DGCR2: variants seen among roughly 807,000 people sequenced by gnomAD.
DGCR2 encodes integral membrane protein DGCR2/IDD.
DGCR2 carries 24 observed loss-of-function variants against 51.6 expected under a neutral mutation model. The ratio of observed to expected loss-of-function variants is 0.47; its 90% CI spans 0.34 to 0.65. DGCR2 has a LOEUF of 0.65. DGCR2 is among the 30% of genes least tolerant of loss of function. DGCR2 has a pLI of 0.01. For missense variants in DGCR2, 765 were observed against 772.1 expected, an observed-to-expected ratio of 0.99 and a Z score of 0.11; for synonymous variants, 340 against 315.4, an observed-to-expected ratio of 1.08 and a Z score of -0.82.
At chr22:19,078,666 T>G (rs1435493506) in intron 2 of DGCR2, among the ~76,000 whole-genome samples, 4 of 152,218 alleles carry the variant, frequency 2.6e-5, no homozygotes, top group Non-Finnish European at 5.9e-5. Context: ...AAGCTTTCAG[T>G]CTTTGACCAC....
chr22:19,098,871 G>C (rs1018895327), intron 1 of DGCR2, among the ~76,000 whole-genome samples: 2 of 152,136 alleles, frequency 1.3e-5, no homozygotes, highest in Non-Finnish European at 2.9e-5. Context: ...TGGGATTACA[G>C]GCATGAGCCA....
intron 4 of DGCR2, 45 bp from the exon 5 acceptor site, chr22:19,063,323 G>A: frequency 1.9e-6 from 3 of 1,565,174 alleles, no homozygotes; most frequent in Non-Finnish European, 2.6e-6. Flanking sequence ...CGGCAGGAGG[G>A]ATGCAACCAT....
At chr22:19,075,371 C>T (rs556525632) in intron 2 of DGCR2, among the ~76,000 whole-genome samples, 3 of 151,832 alleles carry the variant, frequency 2.0e-5, no homozygotes, top group Admixed American at 1.3e-4. Context: ...GGCGTGAACC[C>T]GGGAGGCAGA....
At chr22:19,086,017 CTCTATA>C (rs1190863192) in intron 2 of DGCR2, among the ~76,000 whole-genome samples, 5 of 151,980 alleles carry the variant, frequency 3.3e-5, no homozygotes, top group South Asian at 2.1e-4. Flanking sequence ...GAGGACTTGA[CTCTATA>C]TCTATGATTT....
chr22:19,058,271 A>G (rs5993487), intron 5 of DGCR2, among the ~76,000 whole-genome samples: 75,088 of 152,002 alleles, frequency 0.49, 19,682 homozygotes, highest in African/African-American at 0.68. Flanking sequence ...GACCTGTGCC[A>G]GGCCAGCAGG....
intron 2 of DGCR2, among the ~76,000 whole-genome samples, chr22:19,080,138 A>G (rs554049957): frequency 1.3e-5 from 2 of 152,184 alleles, no homozygotes; most frequent in Non-Finnish European, 2.9e-5. Context: ...ACATCTGGAG[A>G]GCAGGGCAGA....
chr22:19,073,985 G>C (rs1340994031), intron 2 of DGCR2, among the ~76,000 whole-genome samples: 2 of 152,218 alleles, frequency 1.3e-5, no homozygotes, highest in Admixed American at 1.3e-4. Flanking sequence ...GGGCGTCTGG[G>C]AAAGGAGGGG....
chr22:19,099,044 A>T (rs1300501001), intron 1 of DGCR2, among the ~76,000 whole-genome samples: 1 of 152,144 alleles, frequency 6.6e-6, no homozygotes, highest in African/African-American at 2.4e-5. Context: ...TCCAATAGGG[A>T]AGGTTTTTCT....
At chr22:19,094,774 AT>A (rs1300210230) in intron 1 of DGCR2, among the ~76,000 whole-genome samples, 2 of 152,266 alleles carry the variant, frequency 1.3e-5, no homozygotes, top group East Asian at 3.8e-4. Context: ...GTGTACAGCC[AT>A]ACAATGGAAT....
At chr22:19,069,085 G>A (rs73386934) in intron 2 of DGCR2, among the ~76,000 whole-genome samples, 2,258 of 152,378 alleles carry the variant, frequency 0.015, 27 homozygotes, top group African/African-American at 0.017. Context: ...CTGTACAGGT[G>A]TACCCTGATG....
intron 1 of DGCR2, among the ~76,000 whole-genome samples, chr22:19,119,128 G>A (rs1362606442): frequency 6.6e-6 from 1 of 152,196 alleles, no homozygotes; most frequent in Non-Finnish European, 1.5e-5. Flanking sequence ...AGGGGACAGA[G>A]GCAGTCTGTG....
In DGCR2 at chr22:19,082,222, CTTTTTTT is replaced by C. The variant is rs56725898; in HGVS notation, c.202+7139_202+7145del. ...TACCACCACATCTGGCTAATTATTT[CTTTTTTT>C]TTTTTTTTTTTTTTTTCATAGAGAC... On this transcript the variant is annotated intron_variant, in intron 2 of 9. Coordinates refer to ENST00000263196, the MANE Select transcript of DGCR2 (RefSeq NM_005137.3). Among the ~76,000 whole-genome samples, 248 of 88,068 alleles carry C rather than the reference CTTTTTTT, an allele frequency of 2.8e-3. 1 individual carries two copies. The highest frequency in any genetic ancestry group is 0.021 in the East Asian group (63 of 3,022). 57.8% of individuals were successfully genotyped at this position (88,068 alleles called of 152,430 possible).
intron 1 of DGCR2, among the ~76,000 whole-genome samples, chr22:19,111,735 A>G (rs2146051184): frequency 6.6e-6 from 1 of 152,322 alleles, no homozygotes; most frequent in Admixed American, 6.5e-5. Context: ...ATGGAGAGGA[A>G]ACACAAAGGG....
chr22:19,091,237 T>C (rs1228735407), intron 1 of DGCR2, among the ~76,000 whole-genome samples: 4 of 152,128 alleles, frequency 2.6e-5, no homozygotes, highest in Admixed American at 1.3e-4. Context: ...CAAACGCCTA[T>C]AGTCCCAGCT....
chr22:19,115,255 C>A (rs1256410499), intron 1 of DGCR2, among the ~76,000 whole-genome samples: 1 of 152,238 alleles, frequency 6.6e-6, no homozygotes, highest in African/African-American at 2.4e-5. Flanking sequence ...ATCAGAGAGG[C>A]AGCTCCCTCA....
chr22:19,062,774 TGC>T (rs1491426032), intron 5 of DGCR2, among the ~76,000 whole-genome samples: 27 of 113,948 alleles, frequency 2.4e-4, no homozygotes, highest in South Asian at 1.1e-3. Flanking sequence ...CACACATGCA[TGC>T]TCACTCTCTC....
At chr22:19,062,779 A>ATTCATTCTCATTCTCTCTCT in intron 5 of DGCR2, among the ~76,000 whole-genome samples, 1 of 127,354 alleles carries the variant, frequency 7.9e-6, no homozygotes. Context: ...ATGCATGCTC[A>ATTCATTCTCATTCTCTCTCT]CTCTCTCTCT....
chr22:19,064,722 G>A, intron 4 of DGCR2, 126 bp downstream of exon 4: 2 of 876,300 alleles, frequency 2.3e-6, no homozygotes, highest in East Asian at 2.5e-5. Flanking sequence ...CAGTGGGCGA[G>A]GCTGGTCTTC....
intron 2 of DGCR2, among the ~76,000 whole-genome samples, chr22:19,078,232 G>A (rs1056998700): frequency 6.6e-6 from 1 of 152,142 alleles, no homozygotes; most frequent in Non-Finnish European, 1.5e-5. Context: ...ACTTATGATA[G>A]TTTGACTAAA....
Sources: gnomAD v4.1 joint callset for allele counts (sites outside exome capture counted in the v4.1 genomes callset) on GRCh38, gnomAD v4.1.1 for gene constraint, MANE v1.5 for transcripts, NCBI Gene and HGNC (gene_info 2026-07-23, HGNC 2026-07-21) for gene names.